RIMS1: variants seen among roughly 807,000 people sequenced by gnomAD.
RIMS1 encodes regulating synaptic membrane exocytosis 1.
A neutral mutation model predicts 214.1 loss-of-function variants in RIMS1; 83 were observed. The observed-to-expected ratio is 0.39, with a 90% CI of 0.32 to 0.47. RIMS1 has a LOEUF of 0.47. Among genes scored for constraint, RIMS1 ranks in the 20% least tolerant of loss-of-function variants. RIMS1 has a pLI of 0.99. For missense variants in RIMS1, 2,050 were observed against 2,161.8 expected, an observed-to-expected ratio of 0.95 and a Z score of 1.03; for synonymous variants, 793 against 786.8, an observed-to-expected ratio of 1.01 and a Z score of -0.13.
At chr6:72,331,498 C>T (rs1366716105) in intron 28 of RIMS1, among the ~76,000 whole-genome samples, 1 of 151,770 alleles carries the variant, frequency 6.6e-6, no homozygotes, top group African/African-American at 2.4e-5. Context: ...CAAATCCTGA[C>T]ATTTCTGTAG....
chr6:72,316,431 C>G (rs901784261), intron 28 of RIMS1, among the ~76,000 whole-genome samples: 2 of 152,154 alleles, frequency 1.3e-5, no homozygotes, highest in Non-Finnish European at 2.9e-5. Flanking sequence ...CCCAGCTGGC[C>G]ACAACCACGC....
intron 16 of RIMS1, among the ~76,000 whole-genome samples, chr6:72,256,073 T>TA (rs1295463083): frequency 2.1e-5 from 3 of 145,254 alleles, no homozygotes; most frequent in Non-Finnish European, 3.0e-5. Flanking sequence ...GTTCTGAAGA[T>TA]AGAGTGCATG....
chr6:72,271,396 A>T (rs1404064976), intron 22 of RIMS1, among the ~76,000 whole-genome samples: 1 of 150,816 alleles, frequency 6.6e-6, no homozygotes. Flanking sequence ...TGAAAACACA[A>T]TAAAAATATA....
At position 72,163,886 on chromosome 6, in the gene RIMS1, C is replaced by T. The variant is rs147458355; in HGVS notation, c.472-15689C>T. Among the ~76,000 whole-genome samples the T allele has an allele frequency of 2.0e-3, 305 of 152,234 alleles. 2 individuals carry two copies. Among genetic ancestry groups the T allele is most frequent in the Middle Eastern group, 6.8e-3 (2 of 294 alleles). Reference sequence around the variant, plus strand: ...CTGTCCGTTCTCAGATCTCCAGCTGCGTGCTGGGAGAACCAATACTGTCTT... The same window carrying T: ...CTGTCCGTTCTCAGATCTCCAGCTGTGTGCTGGGAGAACCAATACTGTCTT... On this transcript the variant is annotated intron_variant, in intron 4 of 33. Coordinates refer to ENST00000521978, the MANE Select transcript of RIMS1 (RefSeq NM_014989.7).
chr6:71,938,276 G>A (rs1175527113), intron 1 of RIMS1, among the ~76,000 whole-genome samples: 1 of 152,192 alleles, frequency 6.6e-6, no homozygotes, highest in Non-Finnish European at 1.5e-5. Flanking sequence ...GGTGGTGGAT[G>A]TACTGTTCTA....
At chr6:72,098,709 G>C (rs76774656) in intron 3 of RIMS1, among the ~76,000 whole-genome samples, 6,349 of 152,218 alleles carry the variant, frequency 0.042, 178 homozygotes, top group Non-Finnish European at 0.062. Flanking sequence ...TATTTACCTT[G>C]TATGGGTGTT....
chr6:72,284,203 T>C, intron 24 of RIMS1, 85 bp downstream of exon 24: 1 of 1,122,722 alleles, frequency 8.9e-7, no homozygotes, highest in South Asian at 1.4e-5. Context: ...ACATGATCAG[T>C]TCTTAAACAC....
At chr6:72,205,688 T>C (rs1209928714) in intron 6 of RIMS1, among the ~76,000 whole-genome samples, 1 of 152,178 alleles carries the variant, frequency 6.6e-6, no homozygotes, top group Non-Finnish European at 1.5e-5. Context: ...TTTATAAATT[T>C]AGTTTATAAA....
intron 29 of RIMS1, among the ~76,000 whole-genome samples, chr6:72,372,807 A>G (rs2098260756): frequency 6.6e-6 from 1 of 152,220 alleles, no homozygotes; most frequent in Non-Finnish European, 1.5e-5. Flanking sequence ...GACCTGTTAC[A>G]TAACAATTTA....
At chr6:72,245,002 C>CT (rs1450487601) in intron 10 of RIMS1, among the ~76,000 whole-genome samples, 1 of 151,816 alleles carries the variant, frequency 6.6e-6, no homozygotes, top group African/African-American at 2.4e-5. Flanking sequence ...ATTAAAACGT[C>CT]TTTGGAAAAT....
chr6:72,317,510 GATTAA>G (rs1389345845), intron 28 of RIMS1: 5 of 164,034 alleles, frequency 3.0e-5, no homozygotes, highest in African/African-American at 1.2e-4. Flanking sequence ...AAACAATATA[GATTAA>G]ATTATTTTAT....
At chr6:72,369,292 A>G (rs1309684306) in intron 29 of RIMS1, among the ~76,000 whole-genome samples, 2 of 152,012 alleles carry the variant, frequency 1.3e-5, no homozygotes, top group South Asian at 4.2e-4. Context: ...TCATGTTTTG[A>G]TAGTGAGAGG....
At chr6:72,325,471 T>C (rs929691179) in intron 28 of RIMS1, among the ~76,000 whole-genome samples, 1 of 150,980 alleles carries the variant, frequency 6.6e-6, no homozygotes, top group Non-Finnish European at 1.5e-5. Context: ...ATATAATAAC[T>C]ATTAGAATTA....
At chr6:72,376,508 C>G (rs2098384118) in intron 29 of RIMS1, among the ~76,000 whole-genome samples, 1 of 152,226 alleles carries the variant, frequency 6.6e-6, no homozygotes, top group African/African-American at 2.4e-5. Context: ...AATCCCAGCA[C>G]TGGGGGAGGC....
At position 72,161,492 on chromosome 6, in the gene RIMS1, T is replaced by G. The variant is rs1228704862; in HGVS notation, c.472-18083T>G. ...TAATTGTGATGTTAGGGTGTCAATT[T>G]TAGATCTTTCCTGCTTTCTCTTGTG... On this transcript the variant is annotated intron_variant, in intron 4 of 33. Transcript: ENST00000521978. Among the ~76,000 whole-genome samples, 7 of 140,730 alleles carry G rather than the reference T, an allele frequency of 5.0e-5. 2 individuals are homozygous for G. The highest frequency in any genetic ancestry group is 1.5e-4 in the Admixed American group (2 of 13,758). 92.3% of individuals were successfully genotyped at this position (140,730 alleles called of 152,430 possible).
In RIMS1 at chr6:71,980,526, T is replaced by C. The variant is rs184418434; in HGVS notation, c.245+11463T>C. Among the ~76,000 whole-genome samples the C allele has an allele frequency of 1.9e-3, 287 of 152,194 alleles. 1 individual carries two copies. Among genetic ancestry groups the C allele is most frequent in the African/African-American group, 6.6e-3 (273 of 41,554 alleles). ...AGGAATACAAACCTGTGAAAGGCAGTTGAGGCCAGTTTATGAATGTCCTTG... is the reference window on the plus strand; with the variant it reads ...AGGAATACAAACCTGTGAAAGGCAGCTGAGGCCAGTTTATGAATGTCCTTG... On this transcript the variant is annotated intron_variant, in intron 2 of 33. Coordinates refer to ENST00000521978, the MANE Select transcript of RIMS1 (RefSeq NM_014989.7).
chr6:72,136,091 A>G (rs1386364443), intron 4 of RIMS1, among the ~76,000 whole-genome samples: 2 of 152,244 alleles, frequency 1.3e-5, no homozygotes, highest in East Asian at 1.9e-4. Flanking sequence ...TTAAAAGTCA[A>G]TAGAACTGGT....
intron 28 of RIMS1, among the ~76,000 whole-genome samples, chr6:72,325,164 G>A (rs2096391801): frequency 6.6e-6 from 1 of 151,570 alleles, no homozygotes; most frequent in Non-Finnish European, 1.5e-5. Context: ...ACTCGGTGAT[G>A]GCAGCCTTTC....
chr6:72,053,102 C>CT (rs1262193903), intron 2 of RIMS1, among the ~76,000 whole-genome samples: 1 of 152,180 alleles, frequency 6.6e-6, no homozygotes, highest in Non-Finnish European at 1.5e-5. Flanking sequence ...AGGCATTTCT[C>CT]TCAGGATCTA....
Sources: allele counts gnomAD v4.1 joint callset (sites outside exome capture counted in the v4.1 genomes callset), GRCh38; gene constraint gnomAD v4.1.1; transcripts MANE v1.5; gene names NCBI Gene and HGNC (gene_info 2026-07-23, HGNC 2026-07-21).